RUNX2: variants seen among roughly 807,000 people sequenced by gnomAD.
RUNX2 encodes RUNX family transcription factor 2, also known as runt-related transcription factor 2.
Under a neutral mutation model 51.7 loss-of-function variants are expected in RUNX2, and 10 were observed. The observed-to-expected ratio is 0.19, with a 90% confidence interval of 0.12 to 0.33. The LOEUF is 0.33. Ranked by LOEUF, RUNX2 falls within the 10% of genes least tolerant of loss-of-function variation. The pLI is 1.00. For missense variants in RUNX2, 562 were observed against 691.3 expected (o/e 0.81, Z 2.10); for synonymous variants, 276 against 273.6 (o/e 1.01, Z -0.09).
intron 7 of RUNX2, among the ~76,000 whole-genome samples, chr6:45,543,803 A>T (rs1033602816): frequency 1.3e-5 from 2 of 152,038 alleles, no homozygotes; most frequent in South Asian, 2.1e-4. Context: ...GGAAGCACAG[A>T]CACAACCTTA....
At chr6:45,414,721 T>C (rs1024769264) in intron 2 of RUNX2, among the ~76,000 whole-genome samples, 1 of 150,884 alleles carries the variant, frequency 6.6e-6, no homozygotes, top group Non-Finnish European at 1.5e-5. Context: ...TTTCTGATTC[T>C]GTAAGGTATC....
chr6:45,419,176 C>T (rs1038280774), intron 2 of RUNX2, among the ~76,000 whole-genome samples: 31 of 152,256 alleles, frequency 2.0e-4, no homozygotes, highest in African/African-American at 7.0e-4. Context: ...TTAATTGTTT[C>T]TTATTGTCTT....
intron 2 of RUNX2, among the ~76,000 whole-genome samples, chr6:45,409,557 T>C (rs1582081427): frequency 6.6e-6 from 1 of 152,316 alleles, no homozygotes; most frequent in Middle Eastern, 3.4e-3. Flanking sequence ...GCATATGCAG[T>C]TTCAACCTTA....
chr6:45,335,374 T>C (rs1187789110), intron 2 of RUNX2, among the ~76,000 whole-genome samples: 1 of 151,326 alleles, frequency 6.6e-6, no homozygotes, highest in East Asian at 1.9e-4. Context: ...TATTACATTT[T>C]ACAACATGTC....
intron 5 of RUNX2, among the ~76,000 whole-genome samples, chr6:45,486,790 A>G (rs1266683238): frequency 6.6e-6 from 1 of 152,180 alleles, no homozygotes; most frequent in African/African-American, 2.4e-5. Context: ...GAAGTTGTTA[A>G]ATGTTTCTCA....
intron 5 of RUNX2, among the ~76,000 whole-genome samples, chr6:45,476,569 G>T (rs1196257213): frequency 2.0e-5 from 3 of 152,190 alleles, no homozygotes; most frequent in Non-Finnish European, 4.4e-5. Context: ...AGGGCTGATT[G>T]TCATGCAGTT....
At chr6:45,388,466 G>T (rs553247273) in intron 2 of RUNX2, among the ~76,000 whole-genome samples, 1 of 152,150 alleles carries the variant, frequency 6.6e-6, no homozygotes, top group South Asian at 2.1e-4. Context: ...ATGAATATTT[G>T]GGCCCCGCCC....
At chr6:45,338,552 T>C (rs953033520) in intron 2 of RUNX2, among the ~76,000 whole-genome samples, 2 of 152,096 alleles carry the variant, frequency 1.3e-5, no homozygotes, top group African/African-American at 2.4e-5. Context: ...CAACCAAGTG[T>C]ATTTCAGTGT....
chr6:45,349,072 G>A (rs1295136237), intron 2 of RUNX2, among the ~76,000 whole-genome samples: 4 of 152,198 alleles, frequency 2.6e-5, no homozygotes, highest in Middle Eastern at 6.8e-3. Flanking sequence ...CTGTCATTAC[G>A]TAAATCAGTG....
chr6:45,473,244 C>G (rs953132437), intron 5 of RUNX2, among the ~76,000 whole-genome samples: 1 of 151,948 alleles, frequency 6.6e-6, no homozygotes, highest in African/African-American at 2.4e-5. Flanking sequence ...GTTCCCCACA[C>G]CCCCCAGCTC....
chr6:45,448,046 A>G (rs980427657), intron 5 of RUNX2, among the ~76,000 whole-genome samples: 1 of 152,224 alleles, frequency 6.6e-6, no homozygotes, highest in African/African-American at 2.4e-5. Context: ...GGAACACAGG[A>G]CAGATAATAT....
At chr6:45,426,721 C>T (rs1798392175) in intron 3 of RUNX2, among the ~76,000 whole-genome samples, 1 of 152,174 alleles carries the variant, frequency 6.6e-6, no homozygotes, top group Admixed American at 6.5e-5. Context: ...TAAGCTAGCA[C>T]TCATAGTTAA....
chr6:45,410,750 C>A (rs1008385568), intron 2 of RUNX2, among the ~76,000 whole-genome samples: 1 of 152,174 alleles, frequency 6.6e-6, no homozygotes, highest in African/African-American at 2.4e-5. Flanking sequence ...AAAATAAGGA[C>A]TGTGCACCGA....
chr6:45,449,073 A>T (rs1258743073), intron 5 of RUNX2, among the ~76,000 whole-genome samples: 1 of 152,178 alleles, frequency 6.6e-6, no homozygotes, highest in Non-Finnish European at 1.5e-5. Flanking sequence ...ACAGGGAATT[A>T]ATCTGTAAGG....
At chr6:45,502,369 A>G (rs1302008449) in intron 6 of RUNX2, among the ~76,000 whole-genome samples, 1 of 152,246 alleles carries the variant, frequency 6.6e-6, no homozygotes, top group East Asian at 1.9e-4. Context: ...ACTTTCATTA[A>G]TAAAAATTAT....
At chr6:45,453,445 A>G (rs902994442) in intron 5 of RUNX2, among the ~76,000 whole-genome samples, 2 of 152,222 alleles carry the variant, frequency 1.3e-5, no homozygotes, top group Non-Finnish European at 2.9e-5. Flanking sequence ...GAAACTGAGG[A>G]TATACTAGGT....
At chr6:45,457,219 A>G (rs2150383767) in intron 5 of RUNX2, among the ~76,000 whole-genome samples, 1 of 152,300 alleles carries the variant, frequency 6.6e-6, no homozygotes. Context: ...AATGGAGAAA[A>G]AGAGATATGT....
In RUNX2 at chr6:45,418,125, T is replaced by C. The variant is rs546277695; in HGVS notation, c.59-4468T>C. Among the ~76,000 whole-genome samples the C allele has an allele frequency of 2.8e-3, 430 of 152,120 alleles. 3 individuals carry two copies. Among genetic ancestry groups the C allele is most frequent in the South Asian group, 0.021 (103 of 4,812 alleles). On this transcript the variant is annotated intron_variant, in intron 2 of 8. Coordinates refer to ENST00000647337, the MANE Select transcript of RUNX2 (RefSeq NM_001024630.4). The stretch of plus-strand genomic sequence containing the variant: ...TTTTCCCACTTTAATAGCTGGTCCA[T>C]TGAAAAATATTTTAAGATTTTACAG...
chr6:45,527,143 C>T (rs368372141), intron 7 of RUNX2, among the ~76,000 whole-genome samples: 4 of 152,076 alleles, frequency 2.6e-5, no homozygotes, highest in African/African-American at 9.7e-5. Flanking sequence ...GTGGGAAAAT[C>T]GAGTGCAAGG....
Sources: allele counts gnomAD v4.1 joint callset (sites outside exome capture counted in the v4.1 genomes callset), GRCh38; gene constraint gnomAD v4.1.1; transcripts MANE v1.5; gene names NCBI Gene and HGNC (gene_info 2026-07-23, HGNC 2026-07-21).